The following PALM2AKAP2 variants were observed in gnomAD, a reference collection of about 807,000 sequenced individuals.
PALM2AKAP2 encodes the protein PALM2-AKAP2 fusion protein.
PALM2AKAP2 carries 37 observed loss-of-function variants against 71.5 expected under a neutral mutation model. The ratio of observed to expected loss-of-function variants is 0.52; its 90% confidence interval spans 0.40 to 0.68. The LOEUF (loss-of-function observed/expected upper bound fraction) is 0.68, where lower values mean the gene tolerates loss of function less well. Among genes scored for constraint, PALM2AKAP2 ranks in the 30% least tolerant of loss-of-function variants. PALM2AKAP2 has a pLI of 0.00. For synonymous variants in PALM2AKAP2, 468 were observed against 478.8 expected (o/e 0.98, Z 0.29); for missense variants, 1,224 against 1,191.8 (o/e 1.03, Z -0.40).
intron 5 of PALM2AKAP2, among the ~76,000 whole-genome samples, chr9:109,926,586 A>G (rs1830962759): frequency 6.6e-6 from 1 of 152,202 alleles, no homozygotes; most frequent in Non-Finnish European, 1.5e-5. Context: ...GAGGCATGCC[A>G]CACAATTAGC....
At chr9:110,137,750 G>A (rs1210536346) in exon 2 of PALM2AKAP2, 1 of 1,614,198 alleles carries the variant, frequency 6.2e-7, no homozygotes, top group Non-Finnish European at 8.5e-7. Context: ...TGACAGCGGG[G>A]CATCCAATGA....
At chr9:109,800,954 G>C (rs1417104824) in intron 1 of PALM2AKAP2, among the ~76,000 whole-genome samples, 7 of 152,190 alleles carry the variant, frequency 4.6e-5, no homozygotes. Context: ...GTGATGAGTG[G>C]GAGATGGGGA....
chr9:110,130,709 A>G (rs1032551530), intron 1 of PALM2AKAP2, among the ~76,000 whole-genome samples: 1 of 152,214 alleles, frequency 6.6e-6, no homozygotes, highest in Non-Finnish European at 1.5e-5. Context: ...AGTGGGTGGT[A>G]AGCAACCGAA....
intron 1 of PALM2AKAP2, among the ~76,000 whole-genome samples, chr9:110,082,840 A>G (rs113589812): frequency 0.028 from 4,235 of 152,302 alleles, 83 homozygotes; most frequent in Middle Eastern, 0.071. Context: ...CTCTGTACCC[A>G]TTAAACAATG....
intron 1 of PALM2AKAP2, among the ~76,000 whole-genome samples, chr9:109,818,234 C>CT (rs1005922659): frequency 1.3e-3 from 197 of 151,562 alleles, no homozygotes; most frequent in African/African-American, 3.7e-3. Context: ...TACACAATCT[C>CT]TTTTTTTTTG....
At chr9:109,932,292 T>G (rs571506200) in intron 6 of PALM2AKAP2, among the ~76,000 whole-genome samples, 19 of 152,310 alleles carry the variant, frequency 1.2e-4, no homozygotes, top group Non-Finnish European at 2.4e-4. Flanking sequence ...GTGTTTGTGG[T>G]CCTTATATCT....
At chr9:109,859,957 A>G (rs564729465) in intron 1 of PALM2AKAP2, among the ~76,000 whole-genome samples, 48 of 152,362 alleles carry the variant, frequency 3.2e-4, no homozygotes, top group African/African-American at 1.1e-3. Flanking sequence ...TTTTCAGTGG[A>G]TGGACACTGC....
At chr9:110,171,437 GCTGT>G (rs1250889796) in exon 4 of PALM2AKAP2, 3 of 152,162 alleles carry the variant, frequency 2.0e-5, no homozygotes, top group Non-Finnish European at 4.4e-5. Context: ...CCGGATTACT[GCTGT>G]CTATCTTCTT....
In PALM2AKAP2 at chr9:109,857,063, C is replaced by A. The variant is rs894604864; in HGVS notation, c.46-10428C>A. On this transcript the variant is annotated intron_variant, in intron 1 of 9. Coordinates refer to the PALM2AKAP2 transcript ENST00000302798. ...TACTGTGAGGTCCATGCAGTGTCCACCCCCGCTTCCTGCCCTGAGACTGCC... is the reference window on the plus strand; with the variant it reads ...TACTGTGAGGTCCATGCAGTGTCCAACCCCGCTTCCTGCCCTGAGACTGCC... Among the ~76,000 whole-genome samples the A allele has an allele frequency of 5.3e-5, 8 of 152,292 alleles. No individual in the cohort carries two copies. The East Asian group carries it at 1.4e-3, about 26-fold the overall frequency.
intron 6 of PALM2AKAP2, among the ~76,000 whole-genome samples, chr9:109,954,697 A>C (rs1226585450): frequency 6.6e-6 from 1 of 151,022 alleles, no homozygotes; most frequent in Non-Finnish European, 1.5e-5. Context: ...TAAGGTTGCA[A>C]GATCTTAAGT....
chr9:109,827,817 C>A (rs1399948460), intron 1 of PALM2AKAP2, among the ~76,000 whole-genome samples: 2 of 151,996 alleles, frequency 1.3e-5, no homozygotes, highest in Admixed American at 6.6e-5. Context: ...TGAAAAAAAA[C>A]CACCCTAACT....
intron 1 of PALM2AKAP2, among the ~76,000 whole-genome samples, chr9:109,695,289 T>C (rs1027433959): frequency 6.6e-6 from 1 of 152,202 alleles, no homozygotes; most frequent in Non-Finnish European, 1.5e-5. Flanking sequence ...CTTCTATAAC[T>C]GATTTCGTTT....
chr9:109,988,015 C>T (rs1832411784), intron 6 of PALM2AKAP2, among the ~76,000 whole-genome samples: 1 of 152,200 alleles, frequency 6.6e-6, no homozygotes, highest in Non-Finnish European at 1.5e-5. Flanking sequence ...GGATTTCTAC[C>T]ATGAATTTAG....
chr9:109,972,171 T>G (rs1000642054), intron 6 of PALM2AKAP2, among the ~76,000 whole-genome samples: 3 of 152,164 alleles, frequency 2.0e-5, no homozygotes, highest in Non-Finnish European at 2.9e-5. Flanking sequence ...GCCTTGCCTA[T>G]AAATACAACT....
chr9:110,116,395 T>TGTGTGC lies in PALM2AKAP2; in HGVS notation c.157-19718_157-19713dup, dbSNP rs576977882. Among the ~76,000 whole-genome samples the TGTGTGC allele has an allele frequency of 5.6e-3, 848 of 152,194 alleles. 14 individuals are homozygous for TGTGTGC. Among genetic ancestry groups the TGTGTGC allele is most frequent in the African/African-American group, 0.019 (787 of 41,526 alleles). On this transcript the variant is annotated intron_variant, in intron 1 of 3. Transcript: ENST00000374525. ...GTGTGCGTGTGTGTGTGTGCGCATG[T>TGTGTGC]GTGTGCGTGTGCGTGTGCGCGTGCA...
At chr9:109,931,828 C>T (rs534782072) in intron 5 of PALM2AKAP2, 99 bp from the exon 6 acceptor site, 227 of 1,334,458 alleles carry the variant, frequency 1.7e-4, no homozygotes, top group Non-Finnish European at 2.2e-4. Flanking sequence ...GCCGCCTCAG[C>T]GGTCCATTAT....
In PALM2AKAP2 at chr9:110,138,233, A is replaced by G. The variant is rs1028420537; in HGVS notation, c.2263A>G (p.Ser755Gly). ...CCAGCCACTGCCAGCTGTGCAGCCC[A>G]GTGGCCCGATTAACATGGAGGAGAC... Residue 755 changes from serine (S) to glycine (G), a missense_variant, in exon 2 of 4, where the codon AGT becomes GGT. Coordinates refer to ENST00000374525, the Ensembl canonical transcript of PALM2AKAP2. 3.1e-6 allele frequency: 5 copies of G among 1,614,036 alleles called. No individual in the cohort carries two copies. The East Asian group carries it at 8.9e-5, about 29-fold the overall frequency.
intron 1 of PALM2AKAP2, among the ~76,000 whole-genome samples, chr9:109,719,877 G>A (rs539180895): frequency 5.3e-5 from 8 of 152,314 alleles, no homozygotes; most frequent in African/African-American, 1.9e-4. Flanking sequence ...GCATAGCCTA[G>A]CCCAACAGTC....
At chr9:109,883,491 G>A (rs1829901812) in intron 3 of PALM2AKAP2, among the ~76,000 whole-genome samples, 1 of 152,156 alleles carries the variant, frequency 6.6e-6, no homozygotes, top group Non-Finnish European at 1.5e-5. Context: ...CGTTTCCTCT[G>A]CAGGGCCTTC....
Sources: gnomAD v4.1 joint callset for allele counts (sites outside exome capture counted in the v4.1 genomes callset) on GRCh38, gnomAD v4.1.1 for gene constraint, MANE v1.5 for transcripts, NCBI Gene and HGNC (gene_info 2026-07-23, HGNC 2026-07-21) for gene names.